The following DIP2C variants were observed in gnomAD, a reference collection of about 807,000 sequenced individuals.
DIP2C encodes the protein disco-interacting protein 2 homolog C.
Under a neutral mutation model 192.4 loss-of-function variants are expected in DIP2C, and 33 were observed. The observed-to-expected ratio is 0.17, with a 90% CI of 0.13 to 0.23. DIP2C has a LOEUF of 0.23. DIP2C is among the 10% of genes least tolerant of loss of function. The pLI is 1.00. For synonymous variants in DIP2C, 979 were observed against 864.1 expected (o/e 1.13, Z -2.33); for missense variants, 1,537 against 2,110.1 (o/e 0.73, Z 5.32).
At chr10:405,007 C>T (rs867911056) in intron 9 of DIP2C, among the ~76,000 whole-genome samples, 14 of 152,288 alleles carry the variant, frequency 9.2e-5, no homozygotes, top group Middle Eastern at 3.4e-3. Flanking sequence ...TCCCCTAAGG[C>T]GGACCAAAAA....
At chr10:532,671 G>C (rs1410923308) in intron 1 of DIP2C, among the ~76,000 whole-genome samples, 3 of 73,512 alleles carry the variant, frequency 4.1e-5, no homozygotes, top group Admixed American at 1.3e-4. Flanking sequence ...ATGGGTGTGA[G>C]AGAGAGTATG....
intron 10 of DIP2C, 48 bp from the exon 11 acceptor site, chr10:390,911 C>T (rs374927401): frequency 1.2e-4 from 196 of 1,602,210 alleles, no homozygotes; most frequent in Non-Finnish European, 1.5e-4. Context: ...CTGCCCCACT[C>T]CGCCCAGCCT....
chr10:673,344 G>A (rs1414974047), intron 1 of DIP2C, among the ~76,000 whole-genome samples: 1 of 152,228 alleles, frequency 6.6e-6, no homozygotes, highest in Non-Finnish European at 1.5e-5. Context: ...GAGCAATGCT[G>A]TCTCCTGGGA....
intron 32 of DIP2C, among the ~76,000 whole-genome samples, chr10:303,736 T>C (rs190307707): frequency 2.2e-4 from 33 of 152,304 alleles, no homozygotes; most frequent in South Asian, 4.1e-4. Flanking sequence ...TTGGTCAGGC[T>C]GGTCTCGAAC....
intron 1 of DIP2C, among the ~76,000 whole-genome samples, chr10:601,278 T>G (rs565568213): frequency 1.3e-5 from 2 of 152,262 alleles, no homozygotes; most frequent in African/African-American, 4.8e-5. Flanking sequence ...AGGCAAAAAT[T>G]TTAGGAAGCT....
At chr10:365,211 G>A (rs1460006105) in intron 19 of DIP2C, among the ~76,000 whole-genome samples, 1 of 152,198 alleles carries the variant, frequency 6.6e-6, no homozygotes, top group East Asian at 1.9e-4. Context: ...GACAGGTACT[G>A]TAACATCTGT....
At chr10:414,852 TTGTG>T (rs748231177) in intron 7 of DIP2C, among the ~76,000 whole-genome samples, 5,618 of 98,572 alleles carry the variant, frequency 0.057, 274 homozygotes, top group African/African-American at 0.098. Context: ...ACATATATAT[TTGTG>T]TGTGTGTGTG....
chr10:314,508 G>A (rs925952444), intron 31 of DIP2C, among the ~76,000 whole-genome samples: 4 of 152,292 alleles, frequency 2.6e-5, no homozygotes, highest in African/African-American at 9.6e-5. Context: ...AGAAGCCTGA[G>A]AGGGAGGTTG....
At chr10:466,507 A>C (rs1970212589) in intron 3 of DIP2C, among the ~76,000 whole-genome samples, 1 of 138,850 alleles carries the variant, frequency 7.2e-6, no homozygotes, top group African/African-American at 2.6e-5. Flanking sequence ...AAACACCAAA[A>C]GCAATGGCAA....
chr10:672,929 T>C (rs1041064451), intron 1 of DIP2C, among the ~76,000 whole-genome samples: 5 of 152,218 alleles, frequency 3.3e-5, no homozygotes, highest in African/African-American at 1.2e-4. Context: ...GTACAAAAAA[T>C]GTAGGAATTG....
At chr10:648,711 G>A (rs1484712060) in intron 1 of DIP2C, among the ~76,000 whole-genome samples, 1 of 149,042 alleles carries the variant, frequency 6.7e-6, no homozygotes, top group Non-Finnish European at 1.5e-5. Flanking sequence ...CGGTAGGAGA[G>A]AACAGAGCGA....
intron 1 of DIP2C, among the ~76,000 whole-genome samples, chr10:545,691 C>T (rs1419787661): frequency 6.6e-6 from 1 of 152,188 alleles, no homozygotes; most frequent in Non-Finnish European, 1.5e-5. Context: ...ACCCAGCAGA[C>T]TGACAAAATG....
intron 17 of DIP2C, among the ~76,000 whole-genome samples, chr10:379,738 T>G (rs926151260): frequency 8.5e-5 from 13 of 152,264 alleles, no homozygotes; most frequent in Non-Finnish European, 1.6e-4. Context: ...ATCGTTATCC[T>G]TTTTAAATTA....
intron 22 of DIP2C, 39 bp from the exon 23 acceptor site, chr10:357,976 G>T: frequency 6.5e-7 from 1 of 1,535,366 alleles, no homozygotes. Context: ...GGAAACAAAA[G>T]AGAAATTCCT....
intron 1 of DIP2C, among the ~76,000 whole-genome samples, chr10:525,635 G>A (rs896201685): frequency 1.3e-5 from 2 of 152,192 alleles, no homozygotes; most frequent in African/African-American, 4.8e-5. Flanking sequence ...CCTCCTGCTT[G>A]CCCACTGAGG....
chr10:661,116 C>G (rs1856732372), intron 1 of DIP2C, among the ~76,000 whole-genome samples: 1 of 152,230 alleles, frequency 6.6e-6, no homozygotes, highest in African/African-American at 2.4e-5. Flanking sequence ...TGAGTCAACA[C>G]GCACAGTGTT....
rs531023001 is a variant in DIP2C at position 357,169 on chromosome 10, C to A, written c.2904+659G>T. On this transcript the variant is annotated intron_variant, in intron 23 of 36. Coordinates refer to ENST00000280886, the MANE Select transcript of DIP2C (RefSeq NM_014974.3). ...TCCTAATGGGCCACACACAAGGGCA[C>A]ACTTTTGGCTGTGGGAAACAGGAAG... 3.9e-5 allele frequency among the ~76,000 whole-genome samples: 6 copies of A among 152,320 alleles called. 1 individual carries two copies. In the South Asian group the frequency reaches 1.2e-3, roughly 32 times the overall value.
intron 1 of DIP2C, among the ~76,000 whole-genome samples, chr10:589,957 C>T (rs1190505946): frequency 6.6e-6 from 1 of 152,230 alleles, no homozygotes; most frequent in Non-Finnish European, 1.5e-5. Context: ...TGATAAGTTA[C>T]ATAAATCACC....
intron 1 of DIP2C, among the ~76,000 whole-genome samples, chr10:622,704 C>A (rs1369909713): frequency 6.6e-6 from 1 of 152,116 alleles, no homozygotes; most frequent in Non-Finnish European, 1.5e-5. Context: ...TGTAGGATAC[C>A]CCTTACCACA....
Sources: allele counts gnomAD v4.1 joint callset (sites outside exome capture counted in the v4.1 genomes callset), GRCh38; gene constraint gnomAD v4.1.1; transcripts MANE v1.5; gene names NCBI Gene and HGNC (gene_info 2026-07-23, HGNC 2026-07-21).